Variants in CPXM2 observed in about 807,000 individuals in gnomAD.
The protein encoded by CPXM2 is inactive carboxypeptidase-like protein X2.
In CPXM2, 66 loss-of-function variants were observed where a neutral mutation model predicts 86.1. The observed-to-expected ratio is 0.77, with a 90% CI of 0.63 to 0.94. The LOEUF is 0.94. Ranked by LOEUF, CPXM2 falls within the 40% of genes least tolerant of loss-of-function variation. The pLI is 0.00. For missense variants in CPXM2, 948 were observed against 1,026.3 expected, an observed-to-expected ratio of 0.92 and a Z score of 1.04; for synonymous variants, 388 against 400.2, an observed-to-expected ratio of 0.97 and a Z score of 0.36.
chr10:123,881,868 T>A (rs1945099134), intron 1 of CPXM2, among the ~76,000 whole-genome samples: 1 of 152,238 alleles, frequency 6.6e-6, no homozygotes, highest in African/African-American at 2.4e-5. Flanking sequence ...CTTTGCTCAC[T>A]GCTCTGTCTC....
At position 123,862,662 on chromosome 10, in the gene CPXM2, C is replaced by T. The variant is rs375053844; in HGVS notation, c.465G>A (p.Thr155=). 40 of 1,614,072 alleles carry T rather than the reference C, an allele frequency of 2.5e-5. No individual in the cohort carries two copies. Among genetic ancestry groups the T allele is most frequent in the South Asian group, 4.4e-5 (4 of 91,086 alleles). ...KITDFQLHAS[T]VKRYGLGAHR... ...GTGCCCCCAGGCCATAGCGCTTCAC[C>T]GTGGAGGCATGGAGCTGGAAGTCTG... is the stretch of plus-strand genomic sequence containing the variant. The change falls in exon 3 of 14, where the codon ACG becomes ACA. Residue 155 remains threonine, a synonymous_variant. Transcript: ENST00000241305.
At chr10:123,880,099 C>T (rs550136511) in intron 2 of CPXM2, 112 bp downstream of exon 2, 14 of 650,064 alleles carry the variant, frequency 2.2e-5, no homozygotes, top group South Asian at 1.1e-4. Flanking sequence ...CCCCAGGCAG[C>T]CCCACACTCG....
At chr10:123,802,108 G>T (rs923912843) in intron 4 of CPXM2, among the ~76,000 whole-genome samples, 2 of 152,228 alleles carry the variant, frequency 1.3e-5, no homozygotes, top group African/African-American at 4.8e-5. Context: ...AGCAGAGGAA[G>T]GGACAGGGGA....
intron 13 of CPXM2, among the ~76,000 whole-genome samples, chr10:123,753,078 A>T (rs1369654065): frequency 6.6e-6 from 1 of 152,086 alleles, no homozygotes; most frequent in Non-Finnish European, 1.5e-5. Context: ...GGTTGCACTG[A>T]GAGGGTGACG....
At chr10:123,815,008 G>A (rs975892138) in intron 4 of CPXM2, among the ~76,000 whole-genome samples, 3 of 152,170 alleles carry the variant, frequency 2.0e-5, no homozygotes, top group Non-Finnish European at 4.4e-5. Flanking sequence ...CTGGGCTACA[G>A]AGTGGGACCT....
At chr10:123,838,812 G>C (rs1402547660) in intron 4 of CPXM2, among the ~76,000 whole-genome samples, 1 of 152,134 alleles carries the variant, frequency 6.6e-6, no homozygotes, top group African/African-American at 2.4e-5. Flanking sequence ...AGGCACCAGG[G>C]AAGCGTGCAG....
At chr10:123,823,687 AGTGT>A (rs1050699495) in intron 4 of CPXM2, among the ~76,000 whole-genome samples, 2 of 152,228 alleles carry the variant, frequency 1.3e-5, no homozygotes, top group Non-Finnish European at 2.9e-5. Context: ...AGAGAAAAAA[AGTGT>A]GTGTGTTAGA....
rs1590081699 is a variant in CPXM2 at position 123,865,863 on chromosome 10, C to T, written c.404-3140G>A. Among the ~76,000 whole-genome samples, 1 of 152,204 alleles carries T rather than the reference C, an allele frequency of 6.6e-6. No individual in the cohort carries two copies. The highest frequency in any genetic ancestry group is 2.4e-5 in the African/African-American group (1 of 41,532). The stretch of plus-strand genomic sequence containing the variant: ...CTCTGCTTCTTCTCTCCCTTCCTTT[C>T]CTGGGATTTTTGCTCCTGACTCCAT... On this transcript the variant is annotated intron_variant, in intron 2 of 13. Coordinates refer to ENST00000241305, the MANE Select transcript of CPXM2 (RefSeq NM_198148.3). This position sits in a 1 kb window ranked among gnomAD's most constrained non-coding sequence, Gnocchi z 4.7.
At position 123,746,936 on chromosome 10, in the gene CPXM2, G is replaced by A; in HGVS notation, c.2099C>T (p.Thr700Ile). 6.2e-7 allele frequency: 1 copy of A among 1,614,142 alleles called. No individual in the cohort carries two copies. Among genetic ancestry groups the A allele is most frequent in the East Asian group, 2.2e-5 (1 of 44,882 alleles). Residue 700 changes from threonine to isoleucine, a missense_variant, in exon 14 of 14, where the codon ACC becomes ATC. Thr to Ile is a moderately conservative substitution (Grantham distance 89). Transcript: ENST00000241305. ...TAKAEGFTAS[T>I]KNCMVGYDMG... Reference sequence around the variant, plus strand: ...GTCATAGCCAACCATACAGTTCTTGGTGGATGCAGTGAAACCTTCGGCCTT... The same window carrying A: ...GTCATAGCCAACCATACAGTTCTTGATGGATGCAGTGAAACCTTCGGCCTT...
intron 2 of CPXM2, chr10:123,931,721 G>A (rs1038258063): frequency 5.9e-5 from 9 of 152,234 alleles, no homozygotes; most frequent in African/African-American, 2.2e-4. Context: ...TAAATGAATA[G>A]ATGCAGTAAT....
intron 4 of CPXM2, among the ~76,000 whole-genome samples, chr10:123,805,322 T>C (rs929860795): frequency 9.2e-5 from 14 of 152,214 alleles, no homozygotes; most frequent in African/African-American, 3.4e-4. Flanking sequence ...TTTTTCTTCT[T>C]TTCTAATATA....
intron 2 of CPXM2, among the ~76,000 whole-genome samples, chr10:123,863,701 T>C (rs79573666): frequency 0.092 from 13,954 of 152,164 alleles, 706 homozygotes; most frequent in Middle Eastern, 0.18. Context: ...CCCTGCCTCC[T>C]CATAGAACCT....
At position 123,865,560 on chromosome 10, in the gene CPXM2, ACCT is replaced by A. The variant is rs1848956546; in HGVS notation, c.404-2840_404-2838del. On this transcript the variant is annotated intron_variant, in intron 2 of 13. Transcript: ENST00000241305. The surrounding 1 kb of genome is among the most constrained non-coding windows in gnomAD (Gnocchi z 4.7). ...ACAGTGGATTCCAATGACACTGTCCACCTCCTATCACACCTCTGAGTTTCCACT... is the reference window on the plus strand; with the variant it reads ...ACAGTGGATTCCAATGACACTGTCCACCTATCACACCTCTGAGTTTCCACT... Among the ~76,000 whole-genome samples, 1 of 152,106 alleles carries A rather than the reference ACCT, an allele frequency of 6.6e-6. No homozygotes were observed. Among genetic ancestry groups the A allele is most frequent in the African/African-American group, 2.4e-5 (1 of 41,420 alleles).
chr10:123,873,568 T>C (rs1364086029), intron 2 of CPXM2, among the ~76,000 whole-genome samples: 3 of 152,222 alleles, frequency 2.0e-5, no homozygotes, highest in Non-Finnish European at 2.9e-5. Context: ...GGGTCAAGAA[T>C]AAACACAACT....
At chr10:123,808,253 A>T (rs1297054578) in intron 4 of CPXM2, among the ~76,000 whole-genome samples, 1 of 152,178 alleles carries the variant, frequency 6.6e-6, no homozygotes, top group Non-Finnish European at 1.5e-5. Flanking sequence ...TTGCTTATAG[A>T]GCCTTCTACT....
rs559067222 is a variant in CPXM2, at chr10:123,883,445, G to C, written c.305-3136C>G. Among the ~76,000 whole-genome samples the C allele has an allele frequency of 7.9e-5, 12 of 152,338 alleles. No homozygotes were observed. The South Asian group carries it at 2.5e-3, about 32-fold the overall frequency. ...CACTTCAGTTCCCTCATCAGTGAAA[G>C]GAGAAGGCAACAATACCTGCCACGG... On this transcript the variant is annotated intron_variant, in intron 1 of 13. Coordinates refer to ENST00000241305, the MANE Select transcript of CPXM2 (RefSeq NM_198148.3).
upstream of CPXM2, among the ~76,000 whole-genome samples, chr10:123,895,121 C>CTTTT (rs869104432): frequency 9.0e-4 from 77 of 85,870 alleles, no homozygotes; most frequent in Non-Finnish European, 1.2e-3. Context: ...TCTTTTTTTT[C>CTTTT]TTTTTTTTTT....
rs2134251536 is a variant in CPXM2, at chr10:123,891,777, G to C, written c.-118C>G. 1.5e-6 allele frequency: 1 copy of C among 647,460 alleles called. No individual in the cohort carries two copies. Among genetic ancestry groups the C allele is most frequent in the Non-Finnish European group, 2.1e-6 (1 of 476,712 alleles). The allele number at this position is 647,460 out of a possible 1,614,324, so 40.1% of individuals were successfully genotyped here. A position where few individuals can be genotyped will look rare whatever the true frequency, so the allele number is the denominator to read the frequency against. Reference sequence around the variant, plus strand: ...GGGCACAGCAGAGCGGCGCGCTTGGGCGCGGGAGGCGGCCGGCTGGCTGCG... The same window carrying C: ...GGGCACAGCAGAGCGGCGCGCTTGGCCGCGGGAGGCGGCCGGCTGGCTGCG... On this transcript the variant is annotated 5_prime_UTR_variant, in exon 1 of 14. Transcript: ENST00000241305. The surrounding 1 kb of genome is among the most constrained non-coding windows in gnomAD (Gnocchi z 5.6).
chr10:123,755,452 AT>A (rs1260678475), intron 12 of CPXM2, among the ~76,000 whole-genome samples: 1 of 152,184 alleles, frequency 6.6e-6, no homozygotes, highest in Admixed American at 6.5e-5. Flanking sequence ...AAACTTCTGC[AT>A]TTCTTTTGGG....
Sources: allele counts gnomAD v4.1 joint callset (sites outside exome capture counted in the v4.1 genomes callset), GRCh38; gene constraint gnomAD v4.1.1; non-coding constraint Gnocchi (gnomAD v3.1); transcripts MANE v1.5; gene names NCBI Gene and HGNC (gene_info 2026-07-23, HGNC 2026-07-21).